The following SEMA3A variants were observed in gnomAD, a reference collection of about 807,000 sequenced individuals.
The protein encoded by SEMA3A is semaphorin-3A.
Under a neutral mutation model 97.9 loss-of-function variants are expected in SEMA3A, and 29 were observed. The observed-to-expected ratio is 0.30, with a 90% CI of 0.22 to 0.40. SEMA3A has a LOEUF of 0.40. Ranked by LOEUF, SEMA3A falls within the 10% of genes least tolerant of loss-of-function variation. The pLI is 1.00. For missense variants in SEMA3A, 763 were observed against 951.3 expected (o/e 0.80, Z 2.60); for synonymous variants, 321 against 323.7 (o/e 0.99, Z 0.09).
chr7:84,266,999 A>G (rs2115685704), intron 3 of SEMA3A, among the ~76,000 whole-genome samples: 1 of 152,276 alleles, frequency 6.6e-6, no homozygotes, highest in African/African-American at 2.4e-5. Context: ...AATTTCACTT[A>G]TTTTAGCAAG....
chr7:84,364,474 T>C (rs1165204667), intron 2 of SEMA3A, among the ~76,000 whole-genome samples: 1 of 151,760 alleles, frequency 6.6e-6, no homozygotes, highest in Admixed American at 6.6e-5. Context: ...TATTTATTTA[T>C]TTTTTTAGAA....
At chr7:84,309,514 C>T (rs1356621624) in intron 2 of SEMA3A, among the ~76,000 whole-genome samples, 2 of 152,094 alleles carry the variant, frequency 1.3e-5, no homozygotes, top group African/African-American at 2.4e-5. Context: ...ACCTCTCTGA[C>T]CCAGCAAAGG....
In SEMA3A at chr7:84,060,754, G is replaced by C. The variant is rs555970180; in HGVS notation, c.454-196C>G. On this transcript the variant is annotated intron_variant, in intron 4 of 16. Coordinates refer to ENST00000265362, the MANE Select transcript of SEMA3A (RefSeq NM_006080.3). ...GTAATACTAGCCAAATATCTACTTAGCTTAATGATATTTAGTAGCAGTTAG... is the reference window on the plus strand; with the variant it reads ...GTAATACTAGCCAAATATCTACTTACCTTAATGATATTTAGTAGCAGTTAG... Among the ~76,000 whole-genome samples, 7 of 152,258 alleles carry C rather than the reference G, an allele frequency of 4.6e-5. No homozygotes were observed. The East Asian group carries it at 1.4e-3, about 29-fold the overall frequency.
chr7:84,016,937 G>A (rs1278219675), intron 6 of SEMA3A, among the ~76,000 whole-genome samples: 3 of 152,142 alleles, frequency 2.0e-5, no homozygotes, highest in East Asian at 1.9e-4. Context: ...GGAGAAGTTG[G>A]TCTACTATTA....
chr7:84,058,879 G>A (rs1034949596), intron 5 of SEMA3A, among the ~76,000 whole-genome samples: 1 of 151,978 alleles, frequency 6.6e-6, no homozygotes, highest in Non-Finnish European at 1.5e-5. Context: ...GTGGAGTTTC[G>A]TTTTCTTTGT....
At chr7:84,266,821 T>C (rs557611606) in intron 3 of SEMA3A, among the ~76,000 whole-genome samples, 1 of 152,228 alleles carries the variant, frequency 6.6e-6, no homozygotes, top group East Asian at 1.9e-4. Context: ...AAGTATAATA[T>C]AAGCATTACC....
chr7:84,428,682 G>C (rs1003758014), intron 1 of SEMA3A, among the ~76,000 whole-genome samples: 3 of 151,832 alleles, frequency 2.0e-5, no homozygotes, highest in African/African-American at 7.3e-5. Flanking sequence ...TTTTGAGTTT[G>C]ACAATGCAAT....
At chr7:84,468,200 C>G (rs1427348653) in intron 1 of SEMA3A, among the ~76,000 whole-genome samples, 2 of 152,146 alleles carry the variant, frequency 1.3e-5, no homozygotes, top group Non-Finnish European at 2.9e-5. Context: ...TCTCTTCCCC[C>G]CACATTTTGG....
At position 84,452,804 on chromosome 7, in the gene SEMA3A, G is replaced by C. The variant is rs186865415; in HGVS notation, c.-246+39656C>G. Among the ~76,000 whole-genome samples the C allele has an allele frequency of 4.7e-3, 721 of 152,242 alleles. 2 individuals are homozygous for C. The highest frequency in any genetic ancestry group is 7.9e-3 in the Non-Finnish European group (537 of 68,026). ...CCTATGATGGATGCAAAGTTCATCT[G>C]TCATTGACCAGAGGTGTCATTTTTC... On this transcript the variant is annotated intron_variant, in intron 1 of 3. Coordinates refer to the SEMA3A transcript ENST00000424555.
At chr7:84,424,778 A>T (rs1470396858) in intron 1 of SEMA3A, among the ~76,000 whole-genome samples, 1 of 101,186 alleles carries the variant, frequency 9.9e-6, no homozygotes, top group African/African-American at 4.0e-5. Context: ...ATAAATATAT[A>T]ATATTTATAT....
At chr7:84,465,320 C>T (rs1048940943) in intron 1 of SEMA3A, among the ~76,000 whole-genome samples, 2 of 152,064 alleles carry the variant, frequency 1.3e-5, no homozygotes, top group African/African-American at 4.8e-5. Flanking sequence ...TCAAATAACT[C>T]ATTTTTTTCT....
chr7:84,099,220 G>C (rs529399577), intron 4 of SEMA3A, among the ~76,000 whole-genome samples: 1 of 111,900 alleles, frequency 8.9e-6, no homozygotes, highest in Non-Finnish European at 2.2e-5. Context: ...ACAGGCGCCC[G>C]CTACCACGCC....
intron 1 of SEMA3A, among the ~76,000 whole-genome samples, chr7:84,176,607 G>A (rs138090998): frequency 1.3e-5 from 2 of 152,220 alleles, no homozygotes; most frequent in Non-Finnish European, 2.9e-5. Context: ...CAAGTGAATA[G>A]TTTAACATCT....
intron 1 of SEMA3A, among the ~76,000 whole-genome samples, chr7:84,475,066 G>C (rs1277968682): frequency 1.3e-5 from 2 of 152,144 alleles, no homozygotes; most frequent in African/African-American, 4.8e-5. Flanking sequence ...CAGAGTTCTT[G>C]CTCCCCCTTC....
At chr7:83,991,525 A>T (rs7799653) in intron 12 of SEMA3A, among the ~76,000 whole-genome samples, 112,537 of 150,052 alleles carry the variant, frequency 0.75, 42,491 homozygotes, top group East Asian at 0.88. Context: ...AGTTTTTAGC[A>T]TGAAGGGTTG....
intron 3 of SEMA3A, among the ~76,000 whole-genome samples, chr7:84,247,287 A>G (rs1257350684): frequency 1.3e-5 from 2 of 152,176 alleles, no homozygotes; most frequent in African/African-American, 2.4e-5. Flanking sequence ...AAACATAACT[A>G]CTTCCACTTC....
intron 3 of SEMA3A, among the ~76,000 whole-genome samples, chr7:84,233,744 T>A (rs1034932053): frequency 1.3e-5 from 2 of 151,982 alleles, no homozygotes; most frequent in Non-Finnish European, 2.9e-5. Context: ...TCAGTTTGAC[T>A]AAATCAAAAG....
intron 4 of SEMA3A, among the ~76,000 whole-genome samples, chr7:84,073,940 C>T (rs1042742910): frequency 2.0e-5 from 3 of 149,928 alleles, no homozygotes; most frequent in Non-Finnish European, 4.4e-5. Context: ...AATTTATAGA[C>T]TTTATGTAGT....
chr7:84,013,333 A>G (rs1375362485), intron 7 of SEMA3A, among the ~76,000 whole-genome samples: 1 of 152,204 alleles, frequency 6.6e-6, no homozygotes, highest in African/African-American at 2.4e-5. Context: ...TTTTTATTCT[A>G]TGTATCTAAC....
Sources: allele counts gnomAD v4.1 joint callset (sites outside exome capture counted in the v4.1 genomes callset), GRCh38; gene constraint gnomAD v4.1.1; transcripts MANE v1.5; gene names NCBI Gene and HGNC (gene_info 2026-07-23, HGNC 2026-07-21).